Variants in TBC1D32 observed in about 807,000 individuals in gnomAD.
TBC1D32 encodes the protein TBC1 domain family member 32, also known as protein broad-minded.
TBC1D32 carries 151 observed loss-of-function variants against 170.3 expected under a neutral mutation model. That is an observed-to-expected ratio of 0.89 (90% CI 0.78 to 1.01). The LOEUF is 1.01. Ranked by LOEUF, TBC1D32 falls within the 50% of genes least tolerant of loss-of-function variation. TBC1D32 has a pLI of 0.00. For synonymous variants in TBC1D32, 498 were observed against 488.0 expected (o/e 1.02, Z -0.27); for missense variants, 1,464 against 1,457.1 (o/e 1.00, Z -0.08).
intron 10 of TBC1D32, among the ~76,000 whole-genome samples, chr6:121,297,034 C>T (rs1378289910): frequency 6.6e-6 from 1 of 152,070 alleles, no homozygotes; most frequent in African/African-American, 2.4e-5. Context: ...TTTCCTTATA[C>T]TCTTTCCCTT....
chr6:121,288,651 T>C (rs1486310237), intron 12 of TBC1D32, among the ~76,000 whole-genome samples: 8 of 152,166 alleles, frequency 5.3e-5, no homozygotes, highest in Non-Finnish European at 1.2e-4. Flanking sequence ...TAACTCATTT[T>C]ATGAGGCCAG....
Position 121,205,157 on chromosome 6 carries a change from T to C in TBC1D32, c.2488A>G (p.Ile830Val). The C allele has an allele frequency of 7.0e-7, 1 of 1,429,178 alleles. No homozygotes were observed. Among genetic ancestry groups the C allele is most frequent in the Non-Finnish European group, 9.5e-7 (1 of 1,050,050 alleles). 88.5% of individuals were successfully genotyped at this position (1,429,178 alleles called of 1,614,324 possible). Residue 830 changes from isoleucine to valine, a missense_variant, in exon 22 of 32, where the codon ATT becomes GTT. Coordinates refer to ENST00000398212, the MANE Select transcript of TBC1D32 (RefSeq NM_152730.6). ...GAATTCAAAATTATAAGTCTATCAA[T>C]AATATCCTGAAAAAGACAGACAAAA... ...REVPTCVIDI[I>V]DRLIILNSEA...
Position 121,204,670 on chromosome 6 carries a change from T to C in TBC1D32, c.2570+405A>G, listed in dbSNP as rs1304205066. On this transcript the variant is annotated intron_variant, in intron 22 of 31. Coordinates refer to ENST00000398212, the MANE Select transcript of TBC1D32 (RefSeq NM_152730.6). ...CTTCAGGCAAAGTAAAGTTGAAAAGTAATGATTAACACCAAAGAGCAAAAC... is the reference window on the plus strand; with the variant it reads ...CTTCAGGCAAAGTAAAGTTGAAAAGCAATGATTAACACCAAAGAGCAAAAC... 4.6e-5 allele frequency among the ~76,000 whole-genome samples: 7 copies of C among 151,482 alleles called. No homozygotes were observed. The East Asian group carries it at 1.4e-3, about 29-fold the overall frequency.
At chr6:121,287,812 A>G (rs377397564) in intron 12 of TBC1D32, among the ~76,000 whole-genome samples, 1 of 152,210 alleles carries the variant, frequency 6.6e-6, no homozygotes, top group Non-Finnish European at 1.5e-5. Context: ...CTCTCAGACC[A>G]CAGTGCAATC....
chr6:121,099,339 C>T (rs867109816), intron 30 of TBC1D32, among the ~76,000 whole-genome samples: 1 of 151,878 alleles, frequency 6.6e-6, no homozygotes, highest in Non-Finnish European at 1.5e-5. Context: ...ATGTGATTTT[C>T]TGTTGCTCAT....
chr6:121,317,552 C>T lies in TBC1D32; in HGVS notation c.438G>A (p.Glu146=), dbSNP rs1809102919. The change falls in exon 3 of 32, where the codon GAG becomes GAA. Residue 146 remains glutamate (E), a synonymous_variant. Coordinates refer to ENST00000398212, the MANE Select transcript of TBC1D32 (RefSeq NM_152730.6). ...TGTCTGTGCGGTAACTATGGCTTTT[C>T]TCCTTTTGGATTTTTTTCTGCCTTT... ...NQERQKKIQK[E]KSHSYRTDNC... 2.5e-6 allele frequency: 4 copies of T among 1,612,862 alleles called. No individual in the cohort carries two copies. Among genetic ancestry groups the T allele is most frequent in the Non-Finnish European group, 3.4e-6 (4 of 1,179,416 alleles).
At chr6:121,261,060 C>T (rs1006172048) in intron 15 of TBC1D32, among the ~76,000 whole-genome samples, 7 of 152,130 alleles carry the variant, frequency 4.6e-5, no homozygotes, top group Middle Eastern at 3.2e-3. Flanking sequence ...CTGACTCAAC[C>T]CTCCTCACTG....
intron 25 of TBC1D32, among the ~76,000 whole-genome samples, chr6:121,128,922 T>A (rs534335127): frequency 6.6e-6 from 1 of 152,282 alleles, no homozygotes; most frequent in Admixed American, 6.5e-5. Flanking sequence ...ATGAGGGCTC[T>A]GTCCTCATGA....
At chr6:121,113,867 T>C (rs900844032) in intron 27 of TBC1D32, among the ~76,000 whole-genome samples, 1 of 152,170 alleles carries the variant, frequency 6.6e-6, no homozygotes, top group African/African-American at 2.4e-5. Flanking sequence ...TAATAATTGT[T>C]CACCATTTTT....
At position 121,288,726 on chromosome 6, in the gene TBC1D32, C is replaced by T. The variant is rs1453934240; in HGVS notation, c.1372+3327G>A. ...AAAAGAGAATTTTAGACCAATATCC[C>T]ACATGAACATCGATGCAAAAATCCT... On this transcript the variant is annotated intron_variant, in intron 12 of 31. Transcript: ENST00000398212. Among the ~76,000 whole-genome samples, 4 of 152,108 alleles carry T rather than the reference C, an allele frequency of 2.6e-5. No homozygotes were observed. The East Asian group carries it at 5.8e-4, about 22-fold the overall frequency.
At chr6:121,281,744 T>G (rs979737217) in intron 13 of TBC1D32, 58 bp from the exon 14 acceptor site, 17 of 1,352,696 alleles carry the variant, frequency 1.3e-5, no homozygotes, top group Admixed American at 2.4e-5. Flanking sequence ...AACTATTTTA[T>G]GTTAGCTGTT....
intron 27 of TBC1D32, among the ~76,000 whole-genome samples, chr6:121,114,651 A>G (rs1779516736): frequency 6.6e-6 from 1 of 152,206 alleles, no homozygotes; most frequent in African/African-American, 2.4e-5. Context: ...TAAAATGGGA[A>G]TGTTAAAATC....
intron 1 of TBC1D32, among the ~76,000 whole-genome samples, chr6:121,325,854 A>G (rs1810391709): frequency 6.6e-6 from 1 of 152,194 alleles, no homozygotes; most frequent in Non-Finnish European, 1.5e-5. Context: ...AGAATGGGAG[A>G]AAATTTTTGC....
At chr6:121,179,209 C>T (rs1003096797) in intron 22 of TBC1D32, among the ~76,000 whole-genome samples, 7 of 151,464 alleles carry the variant, frequency 4.6e-5, no homozygotes, top group Non-Finnish European at 1.0e-4. Flanking sequence ...TACACACACA[C>T]ACTAAATATA....
intron 1 of TBC1D32, among the ~76,000 whole-genome samples, chr6:121,325,163 G>C (rs1444110014): frequency 6.9e-6 from 1 of 145,928 alleles, no homozygotes; most frequent in East Asian, 2.1e-4. Context: ...AGTGAGCCGA[G>C]ATTGTGCCAT....
At chr6:121,121,346 T>C (rs769421536) in intron 26 of TBC1D32, among the ~76,000 whole-genome samples, 1 of 152,000 alleles carries the variant, frequency 6.6e-6, no homozygotes, top group Non-Finnish European at 1.5e-5. Flanking sequence ...GGGCAGTTAA[T>C]GGTAATAAGG....
At position 121,162,516 on chromosome 6, in the gene TBC1D32, C is replaced by A. The variant is rs1022412669; in HGVS notation, c.2571-1460G>T. Among the ~76,000 whole-genome samples, 8 of 152,262 alleles carry A rather than the reference C, an allele frequency of 5.3e-5. No homozygotes were observed. In the East Asian group the frequency reaches 1.5e-3, roughly 29 times the overall value. The stretch of plus-strand genomic sequence containing the variant: ...ACAAGACAAGGATAGCTTCTCTCAC[C>A]ACTCCTATTAAACATAGTATTGGAA... On this transcript the variant is annotated intron_variant, in intron 22 of 31. Coordinates refer to ENST00000398212, the MANE Select transcript of TBC1D32 (RefSeq NM_152730.6).
At chr6:121,214,925 C>T (rs1361806346) in intron 21 of TBC1D32, among the ~76,000 whole-genome samples, 1 of 152,124 alleles carries the variant, frequency 6.6e-6, no homozygotes, top group African/African-American at 2.4e-5. Flanking sequence ...CTCAGGAGAC[C>T]AGAAGTGGGT....
chr6:121,125,856 T>A (rs1780777905), intron 26 of TBC1D32, among the ~76,000 whole-genome samples: 1 of 152,182 alleles, frequency 6.6e-6, no homozygotes, highest in African/African-American at 2.4e-5. Flanking sequence ...CCTCTGAGTA[T>A]CTGCTGTGGG....
Sources: gnomAD v4.1 joint callset for allele counts (sites outside exome capture counted in the v4.1 genomes callset) on GRCh38, gnomAD v4.1.1 for gene constraint, MANE v1.5 for transcripts, NCBI Gene and HGNC (gene_info 2026-07-23, HGNC 2026-07-21) for gene names.